Variants in GALNTL6 observed in about 807,000 individuals in gnomAD.
GALNTL6 encodes the protein polypeptide N-acetylgalactosaminyltransferase-like 6.
GALNTL6 carries 46 observed loss-of-function variants against 73.7 expected under a neutral mutation model. The observed-to-expected ratio is 0.62, with a 90% confidence interval of 0.49 to 0.80. The LOEUF is 0.80. Among genes scored for constraint, GALNTL6 ranks in the 30% least tolerant of loss-of-function variants. GALNTL6 has a pLI of 0.00. For synonymous variants in GALNTL6, 259 were observed against 263.7 expected (o/e 0.98, Z 0.17); for missense variants, 604 against 755.0 (o/e 0.80, Z 2.34).
At chr4:172,551,351 G>C (rs989933094) in intron 5 of GALNTL6, among the ~76,000 whole-genome samples, 1 of 152,030 alleles carries the variant, frequency 6.6e-6, no homozygotes. Flanking sequence ...TTAGGTACAT[G>C]TAAAAATTTT....
chr4:172,975,343 A>C (rs2126417579), intron 10 of GALNTL6, among the ~76,000 whole-genome samples: 1 of 152,246 alleles, frequency 6.6e-6, no homozygotes. Context: ...CGTCCCATCA[A>C]GTTGAGGAGA....
At chr4:172,976,478 A>G (rs1053629073) in intron 10 of GALNTL6, among the ~76,000 whole-genome samples, 4 of 152,216 alleles carry the variant, frequency 2.6e-5, no homozygotes, top group Non-Finnish European at 5.9e-5. Context: ...CATGCCCAGA[A>G]GTACAGTACG....
chr4:172,017,489 A>G (rs188679227), intron 2 of GALNTL6, among the ~76,000 whole-genome samples: 3 of 152,096 alleles, frequency 2.0e-5, no homozygotes, highest in South Asian at 2.1e-4. Context: ...AGAAGCCCCA[A>G]TTGTGTCTGC....
chr4:172,732,770 T>C (rs978947298), intron 5 of GALNTL6, among the ~76,000 whole-genome samples: 2 of 152,176 alleles, frequency 1.3e-5, no homozygotes, highest in Admixed American at 6.6e-5. Flanking sequence ...TTTAAAGGGA[T>C]GGTGACTTAT....
intron 5 of GALNTL6, among the ~76,000 whole-genome samples, chr4:172,789,552 T>C (rs1277572046): frequency 6.6e-6 from 1 of 152,114 alleles, no homozygotes; most frequent in Admixed American, 6.5e-5. Context: ...TTGCAAAAGA[T>C]ACAGATGAAG....
chr4:171,971,200 C>G (rs987706978), intron 2 of GALNTL6, among the ~76,000 whole-genome samples: 1 of 152,124 alleles, frequency 6.6e-6, no homozygotes, highest in Non-Finnish European at 1.5e-5. Context: ...AATGAAAATG[C>G]CATAATTATC....
At chr4:172,324,635 T>G (rs965687188) in intron 4 of GALNTL6, among the ~76,000 whole-genome samples, 1 of 151,188 alleles carries the variant, frequency 6.6e-6, no homozygotes, top group African/African-American at 2.4e-5. Context: ...TAATAAATAT[T>G]TTTTCAATTG....
chr4:172,615,791 T>C (rs987675805), intron 5 of GALNTL6, among the ~76,000 whole-genome samples: 1 of 152,166 alleles, frequency 6.6e-6, no homozygotes, highest in Non-Finnish European at 1.5e-5. Flanking sequence ...TTCAAATTCA[T>C]TTTTGCAGAC....
chr4:172,894,539 T>C (rs1001188843), intron 8 of GALNTL6, among the ~76,000 whole-genome samples: 6 of 152,206 alleles, frequency 3.9e-5, no homozygotes, highest in African/African-American at 1.4e-4. Context: ...TATTCTATTT[T>C]GGTCAGACAT....
chr4:172,248,579 G>C (rs1737740395), intron 3 of GALNTL6, among the ~76,000 whole-genome samples: 1 of 152,110 alleles, frequency 6.6e-6, no homozygotes, highest in Non-Finnish European at 1.5e-5. Flanking sequence ...ATCCCATTTG[G>C]TTCTAATAGT....
At chr4:172,659,791 G>A (rs896616354) in intron 5 of GALNTL6, among the ~76,000 whole-genome samples, 1 of 152,160 alleles carries the variant, frequency 6.6e-6, no homozygotes, top group African/African-American at 2.4e-5. Context: ...CTAGTTGAAA[G>A]GCCTTAGTAG....
intron 5 of GALNTL6, among the ~76,000 whole-genome samples, chr4:172,783,399 T>G (rs1228916309): frequency 6.8e-6 from 1 of 147,464 alleles, no homozygotes; most frequent in East Asian, 1.9e-4. Flanking sequence ...ATAATAATAT[T>G]ATAATATTAT....
intron 7 of GALNTL6, among the ~76,000 whole-genome samples, chr4:172,837,479 G>A (rs138109967): frequency 5.0e-4 from 76 of 152,182 alleles, no homozygotes; most frequent in African/African-American, 1.7e-3. Flanking sequence ...GTATAAATAA[G>A]AGTCTATAAA....
chr4:171,894,715 A>C (rs2110932396), intron 2 of GALNTL6, among the ~76,000 whole-genome samples: 1 of 152,290 alleles, frequency 6.6e-6, no homozygotes, highest in South Asian at 2.1e-4. Flanking sequence ...CAAGTGACAA[A>C]GTTGATACTG....
At chr4:172,119,257 T>C (rs1733080264) in intron 2 of GALNTL6, among the ~76,000 whole-genome samples, 1 of 152,216 alleles carries the variant, frequency 6.6e-6, no homozygotes, top group African/African-American at 2.4e-5. Context: ...TTTTTCTCCA[T>C]TAAAAAGTTG....
At chr4:172,805,814 A>C (rs1423515014) in intron 5 of GALNTL6, among the ~76,000 whole-genome samples, 3 of 152,112 alleles carry the variant, frequency 2.0e-5, no homozygotes, top group Non-Finnish European at 4.4e-5. Flanking sequence ...CTTTTGTCTG[A>C]CATTTGCTTC....
At chr4:172,284,987 T>C (rs930821536) in intron 3 of GALNTL6, among the ~76,000 whole-genome samples, 1 of 152,208 alleles carries the variant, frequency 6.6e-6, no homozygotes, top group African/African-American at 2.4e-5. Context: ...AAAAATGATA[T>C]TGGTATTTTA....
chr4:172,999,138 C>T (rs1420410857), intron 10 of GALNTL6, among the ~76,000 whole-genome samples: 1 of 152,186 alleles, frequency 6.6e-6, no homozygotes, highest in African/African-American at 2.4e-5. Flanking sequence ...AACTCTCCAA[C>T]TTTTCCCACG....
At chr4:172,322,019 C>CTA (rs1740775941) in intron 4 of GALNTL6, among the ~76,000 whole-genome samples, 1 of 152,086 alleles carries the variant, frequency 6.6e-6, no homozygotes, top group Non-Finnish European at 1.5e-5. Flanking sequence ...ATATGACCCT[C>CTA]TAGGAACATT....
Sources: gnomAD v4.1 joint callset for allele counts (sites outside exome capture counted in the v4.1 genomes callset) on GRCh38, gnomAD v4.1.1 for gene constraint, MANE v1.5 for transcripts, NCBI Gene and HGNC (gene_info 2026-07-23, HGNC 2026-07-21) for gene names.